The following PTPRO variants were observed in gnomAD, a reference collection of about 807,000 sequenced individuals.
The protein encoded by PTPRO is receptor-type tyrosine-protein phosphatase O.
Under a neutral mutation model 145.2 loss-of-function variants are expected in PTPRO, and 62 were observed. The observed-to-expected ratio is 0.43, with a 90% CI of 0.35 to 0.53. The LOEUF is 0.53. Ranked by LOEUF, PTPRO falls within the 20% of genes least tolerant of loss-of-function variation. The pLI, the probability that PTPRO is intolerant of heterozygous loss-of-function variation, is 0.01. For synonymous variants in PTPRO, 565 were observed against 514.7 expected (o/e 1.10, Z -1.32); for missense variants, 1,345 against 1,482.7 (o/e 0.91, Z 1.53).
intron 1 of PTPRO, among the ~76,000 whole-genome samples, chr12:15,400,959 CAAAG>C (rs1939476491): frequency 1.3e-5 from 2 of 152,138 alleles, no homozygotes; most frequent in South Asian, 4.1e-4. Context: ...GATAGGGAAA[CAAAG>C]AATCTTAACA....
chr12:15,581,433 C>A (rs1944315636), intron 22 of PTPRO, among the ~76,000 whole-genome samples: 1 of 151,708 alleles, frequency 6.6e-6, no homozygotes, highest in African/African-American at 2.4e-5. Flanking sequence ...TCCCGAGTAG[C>A]TGGGGCATTC....
intron 1 of PTPRO, among the ~76,000 whole-genome samples, chr12:15,435,573 T>G (rs1940572744): frequency 6.6e-6 from 1 of 152,148 alleles, no homozygotes; most frequent in African/African-American, 2.4e-5. Context: ...TTTTTTTCTT[T>G]TTGGCAATCT....
chr12:15,336,917 T>C (rs557172042), intron 1 of PTPRO, among the ~76,000 whole-genome samples: 2 of 152,226 alleles, frequency 1.3e-5, no homozygotes, highest in African/African-American at 2.4e-5. Flanking sequence ...GGTGAACACC[T>C]GACCTAAGCC....
chr12:15,468,217 A>G (rs1941459858), intron 1 of PTPRO, among the ~76,000 whole-genome samples: 1 of 152,114 alleles, frequency 6.6e-6, no homozygotes, highest in Admixed American at 6.6e-5. Flanking sequence ...TTTCCAATAA[A>G]ACTTTCCACC....
At chr12:15,408,354 C>G (rs1939703104) in intron 1 of PTPRO, among the ~76,000 whole-genome samples, 1 of 152,146 alleles carries the variant, frequency 6.6e-6, no homozygotes, top group Admixed American at 6.5e-5. Flanking sequence ...CATAGTGTTA[C>G]TTTACCTTCT....
intron 1 of PTPRO, among the ~76,000 whole-genome samples, chr12:15,403,693 C>T (rs1474628957): frequency 1.3e-5 from 2 of 152,170 alleles, no homozygotes; most frequent in South Asian, 4.1e-4. Context: ...CCATTTACTG[C>T]CCTACAATCA....
chr12:15,390,834 C>T (rs995885283), intron 1 of PTPRO, among the ~76,000 whole-genome samples: 10 of 152,146 alleles, frequency 6.6e-5, no homozygotes, highest in Non-Finnish European at 1.5e-4. Flanking sequence ...TAACAAAATG[C>T]CATAGACTGA....
At position 15,371,235 on chromosome 12, in the gene PTPRO, C is replaced by T. The variant is rs1033825069; in HGVS notation, c.75+48434C>T. Among the ~76,000 whole-genome samples the T allele has an allele frequency of 1.6e-3, 222 of 142,280 alleles. 1 individual carries two copies. The highest frequency in any genetic ancestry group is 5.6e-3 in the African/African-American group (219 of 39,296). The allele number at this position is 142,280 out of a possible 152,430, so 93.3% of individuals were successfully genotyped here. On this transcript the variant is annotated intron_variant, in intron 1 of 26. Transcript: ENST00000281171. The stretch of plus-strand genomic sequence containing the variant: ...AATAAAGAACATAACCTCAAGCTCA[C>T]TATTTTTTTTTTTTTTAGACCGAGT...
intron 1 of PTPRO, among the ~76,000 whole-genome samples, chr12:15,402,578 C>CA (rs1939527724): frequency 6.6e-6 from 1 of 152,118 alleles, no homozygotes; most frequent in African/African-American, 2.4e-5. Flanking sequence ...GACATACACT[C>CA]AGGAGCCTAA....
chr12:15,381,904 T>C (rs2136275272), intron 1 of PTPRO, among the ~76,000 whole-genome samples: 1 of 152,194 alleles, frequency 6.6e-6, no homozygotes, highest in Non-Finnish European at 1.5e-5. Flanking sequence ...TTTTAAACTC[T>C]GAGTTTAAAA....
intron 1 of PTPRO, among the ~76,000 whole-genome samples, chr12:15,467,566 A>C (rs1164752246): frequency 6.6e-6 from 1 of 151,980 alleles, no homozygotes; most frequent in African/African-American, 2.4e-5. Context: ...TTTCTCTCCT[A>C]ACTAATGCAG....
chr12:15,416,687 T>C (rs1390153346), intron 1 of PTPRO, among the ~76,000 whole-genome samples: 1 of 150,760 alleles, frequency 6.6e-6, no homozygotes, highest in Non-Finnish European at 1.5e-5. Flanking sequence ...CTGAGCAGTT[T>C]CTTGTATCCT....
rs777804549 is a variant in PTPRO, at chr12:15,433,357, ATT to A, written c.76-50611_76-50610del. Among the ~76,000 whole-genome samples, 22 of 151,756 alleles carry A rather than the reference ATT, an allele frequency of 1.4e-4. No homozygotes were observed. The East Asian group carries it at 4.1e-3, about 28-fold the overall frequency. On this transcript the variant is annotated intron_variant, in intron 1 of 26. Coordinates refer to ENST00000281171, the MANE Select transcript of PTPRO (RefSeq NM_030667.3). ...TGCTCGGCTAACTTTTTGTATTTGTATTTTTTTAGTAGAGACAGGGTTTCACC... is the reference window on the plus strand; with the variant it reads ...TGCTCGGCTAACTTTTTGTATTTGTATTTTTAGTAGAGACAGGGTTTCACC...
At chr12:15,346,738 CAGTT>C (rs1310094212) in intron 1 of PTPRO, 3 of 152,188 alleles carry the variant, frequency 2.0e-5, no homozygotes, top group Non-Finnish European at 4.4e-5. Flanking sequence ...ACAGCTAACT[CAGTT>C]AGTTAAAGGA....
At chr12:15,595,174 A>G (rs1944634637) in intron 26 of PTPRO, 117 bp downstream of exon 26, 2 of 726,098 alleles carry the variant, frequency 2.8e-6, no homozygotes, top group South Asian at 3.0e-5. Flanking sequence ...TCACATGAGT[A>G]TTTCTTCCCA....
At chr12:15,324,373 G>C (rs1352532069) in intron 1 of PTPRO, among the ~76,000 whole-genome samples, 1 of 152,144 alleles carries the variant, frequency 6.6e-6, no homozygotes, top group Non-Finnish European at 1.5e-5. Flanking sequence ...GGTTGGGAGT[G>C]GGGGTAAGGT....
Position 15,451,280 on chromosome 12 carries a change from G to C in PTPRO, c.76-32694G>C, listed in dbSNP as rs187435821. Among the ~76,000 whole-genome samples, 5 of 152,096 alleles carry C rather than the reference G, an allele frequency of 3.3e-5. No homozygotes were observed. In the East Asian group the frequency reaches 9.7e-4, roughly 29 times the overall value. On this transcript the variant is annotated intron_variant, in intron 1 of 26. Transcript: ENST00000281171. ...ATAAAAGGCCTTGTTCCACAGGAAA[G>C]TATCACAATCCTATATACATATATA...
intron 2 of PTPRO, among the ~76,000 whole-genome samples, chr12:15,495,826 G>C (rs1283291139): frequency 6.6e-6 from 1 of 152,020 alleles, no homozygotes; most frequent in African/African-American, 2.4e-5. Context: ...TTTGGGGAAG[G>C]GTACATTTAA....
chr12:15,493,597 C>T (rs997267054), intron 2 of PTPRO, among the ~76,000 whole-genome samples: 6 of 152,056 alleles, frequency 3.9e-5, no homozygotes, highest in Admixed American at 6.6e-5. Flanking sequence ...AAAGAGATAA[C>T]ATTTCACACA....
Sources: gnomAD v4.1 joint callset for allele counts (sites outside exome capture counted in the v4.1 genomes callset) on GRCh38, gnomAD v4.1.1 for gene constraint, MANE v1.5 for transcripts, NCBI Gene and HGNC (gene_info 2026-07-23, HGNC 2026-07-21) for gene names.